The following IRAK1BP1 variants were observed in gnomAD, a reference collection of about 807,000 sequenced individuals.
IRAK1BP1 encodes the protein interleukin-1 receptor-associated kinase 1-binding protein 1.
IRAK1BP1 carries 24 observed loss-of-function variants against 28.0 expected under a neutral mutation model. That is an observed-to-expected ratio of 0.86 (90% CI 0.62 to 1.20). The LOEUF is 1.20. IRAK1BP1 is among the 50% of genes most tolerant of loss of function. The pLI is 0.00. For missense variants in IRAK1BP1, 336 were observed against 316.7 expected, an observed-to-expected ratio of 1.06 and a Z score of -0.46; for synonymous variants, 131 against 116.3, an observed-to-expected ratio of 1.13 and a Z score of -0.81.
intron 4 of IRAK1BP1, among the ~76,000 whole-genome samples, chr6:78,941,818 A>G (rs1484996264): frequency 6.6e-6 from 1 of 152,194 alleles, no homozygotes; most frequent in Non-Finnish European, 1.5e-5. Context: ...CAAAATCACT[A>G]TGTGTGCCAC....
chr6:78,898,310 A>C lies in IRAK1BP1; in HGVS notation c.759A>C (p.Lys253Asn). ...TTATAACTTTTGAGGTAAAGGGAAA[A>C]GAGAAGAGAAAAAAGCACCTTTGAA... ...KVFITFEVKG[K>N]EKRKKHL The change falls in exon 4 of 4, where the codon AAA becomes AAC. Residue 253 changes from lysine to asparagine, a missense_variant. Transcript: ENST00000369940. The C allele has an allele frequency of 6.3e-7, 1 of 1,579,346 alleles. No homozygotes were observed.
At chr6:78,886,675 G>T (rs1446647638) in intron 2 of IRAK1BP1, among the ~76,000 whole-genome samples, 2 of 152,026 alleles carry the variant, frequency 1.3e-5, no homozygotes, top group African/African-American at 2.4e-5. Flanking sequence ...GGAATAATAA[G>T]AAAAAAGAAA....
At chr6:78,927,928 G>C (rs1283631394) in intron 4 of IRAK1BP1, among the ~76,000 whole-genome samples, 1 of 152,066 alleles carries the variant, frequency 6.6e-6, no homozygotes. Flanking sequence ...ATGCTGTTTT[G>C]CTCACTATAG....
rs549943123 is a variant in IRAK1BP1 at position 78,911,669 on chromosome 6, G to A, written c.*67+8559G>A. On this transcript the variant is annotated intron_variant and NMD_transcript_variant, in intron 4 of 4. Transcript: ENST00000606868. ...CTCCAATGTAGTCAAGATCACTACT[G>A]TAGCTATTTAGTTACCTATTTATCT... is the stretch of plus-strand genomic sequence containing the variant. Among the ~76,000 whole-genome samples the A allele has an allele frequency of 5.3e-5, 8 of 152,300 alleles. No individual in the cohort carries two copies. The South Asian group carries it at 1.5e-3, about 28-fold the overall frequency.
intron 4 of IRAK1BP1, chr6:78,940,877 C>A: frequency 6.2e-7 from 1 of 1,613,864 alleles, no homozygotes; most frequent in Non-Finnish European, 8.5e-7. Context: ...GGGTTCAGAG[C>A]CTTTGAGTTC....
At position 78,899,076 on chromosome 6, in the gene IRAK1BP1, A is replaced by G. The variant is rs1042669359; in HGVS notation, c.*742A>G. ...GGGCAAAATGATATGGCCATATGCA[A>G]TATGGCTACATATACAGCAGGCTTT... On this transcript the variant is annotated 3_prime_UTR_variant, in exon 4 of 4. Coordinates refer to ENST00000369940, the MANE Select transcript of IRAK1BP1 (RefSeq NM_001010844.4). 1 of 152,190 alleles carries G rather than the reference A, an allele frequency of 6.6e-6. No homozygotes were observed. The highest frequency in any genetic ancestry group is 1.5e-5 in the Non-Finnish European group (1 of 68,038). The allele number at this position is 152,190 out of a possible 1,614,324, so 9.4% of individuals were successfully genotyped here.
downstream of IRAK1BP1, among the ~76,000 whole-genome samples, chr6:78,907,812 C>T (rs561217347): frequency 7.2e-5 from 11 of 151,790 alleles, no homozygotes; most frequent in East Asian, 9.7e-4. Flanking sequence ...CTCTGCCTCC[C>T]GGGTTCAAGC....
downstream of IRAK1BP1, chr6:78,903,128 A>T (rs1390910158): frequency 1.7e-5 from 21 of 1,263,338 alleles, no homozygotes; most frequent in East Asian, 5.3e-4. Flanking sequence ...GGTTCATTAT[A>T]AGAGTGAGAA....
intron 2 of IRAK1BP1, among the ~76,000 whole-genome samples, chr6:78,886,941 A>G (rs780459487): frequency 6.6e-6 from 1 of 152,238 alleles, no homozygotes; most frequent in African/African-American, 2.4e-5. Flanking sequence ...GCCAGAATTT[A>G]TATCATATCA....
At chr6:78,887,157 A>G (rs1431800895) in intron 2 of IRAK1BP1, among the ~76,000 whole-genome samples, 1 of 152,192 alleles carries the variant, frequency 6.6e-6, no homozygotes, top group Non-Finnish European at 1.5e-5. Context: ...ATGAGATTAG[A>G]TGGTTGGTAG....
the IRAK1BP1 span, among the ~76,000 whole-genome samples, chr6:78,952,428 GAA>G: frequency 1.7e-5 from 1 of 57,682 alleles, no homozygotes; most frequent in African/African-American, 5.9e-5. Context: ...AAAAAAAAAA[GAA>G]AAAAAAAAAA....
chr6:78,869,116 A>G (rs1214727844), intron 1 of IRAK1BP1, among the ~76,000 whole-genome samples: 1 of 152,256 alleles, frequency 6.6e-6, no homozygotes, highest in Non-Finnish European at 1.5e-5. Flanking sequence ...TTTAATATGT[A>G]GAAAAATAGT....
chr6:78,874,610 G>T (rs1478976739), intron 1 of IRAK1BP1, among the ~76,000 whole-genome samples: 1 of 152,148 alleles, frequency 6.6e-6, no homozygotes, highest in Non-Finnish European at 1.5e-5. Flanking sequence ...AAGGAACAGA[G>T]GGACATTTTA....
chr6:78,894,628 A>G (rs1167251094), intron 2 of IRAK1BP1, among the ~76,000 whole-genome samples: 2 of 152,276 alleles, frequency 1.3e-5, no homozygotes, highest in South Asian at 2.1e-4. Flanking sequence ...GTAGATTTCA[A>G]TACCCCCCTT....
chr6:78,912,030 G>A (rs1434466675), intron 4 of IRAK1BP1, among the ~76,000 whole-genome samples: 1 of 152,110 alleles, frequency 6.6e-6, no homozygotes, highest in African/African-American at 2.4e-5. Flanking sequence ...AGGCCATACA[G>A]GAATCATACT....
At chr6:78,903,841 AAG>A (rs1402815800), downstream of IRAK1BP1, among the ~76,000 whole-genome samples, 1 of 152,214 alleles carries the variant, frequency 6.6e-6, no homozygotes, top group African/African-American at 2.4e-5. Context: ...ATTTTGGGCA[AAG>A]AGTAAAATAC....
chr6:78,922,181 G>T (rs934187141), intron 4 of IRAK1BP1, among the ~76,000 whole-genome samples: 10 of 152,162 alleles, frequency 6.6e-5, no homozygotes, highest in African/African-American at 2.4e-4. Flanking sequence ...CTTGAAAAAA[G>T]ATTAGATGAA....
the IRAK1BP1 span, among the ~76,000 whole-genome samples, chr6:78,971,961 A>G: frequency 1.4e-4 from 21 of 152,222 alleles, no homozygotes; most frequent in South Asian, 2.1e-3. Context: ...AGGGGCGCCC[A>G]CCATTGCCCA....
chr6:78,893,306 GTGTGTGTGTATATA>G (rs1562085739), intron 2 of IRAK1BP1, among the ~76,000 whole-genome samples: 15 of 97,874 alleles, frequency 1.5e-4, no homozygotes, highest in African/African-American at 4.7e-4. Flanking sequence ...GTGTGTGTGT[GTGTGTGTGTATATA>G]TATATATATA....
Sources: gnomAD v4.1 joint callset for allele counts (sites outside exome capture counted in the v4.1 genomes callset) on GRCh38, gnomAD v4.1.1 for gene constraint, MANE v1.5 for transcripts, NCBI Gene and HGNC (gene_info 2026-07-23, HGNC 2026-07-21) for gene names.